Variants in GHRHR observed in about 807,000 individuals in gnomAD.
GHRHR encodes growth hormone-releasing hormone receptor.
Under a neutral mutation model 58.3 loss-of-function variants are expected in GHRHR, and 40 were observed. The ratio of observed to expected loss-of-function variants is 0.69; its 90% CI spans 0.53 to 0.89. GHRHR has a LOEUF of 0.89. GHRHR is among the 40% of genes least tolerant of loss of function. The pLI, the probability that GHRHR is intolerant of heterozygous loss-of-function variation, is 0.00. For synonymous variants in GHRHR, 249 were observed against 216.6 expected, an observed-to-expected ratio of 1.15 and a Z score of -1.31; for missense variants, 551 against 541.3, an observed-to-expected ratio of 1.02 and a Z score of -0.18.
At chr7:30,969,823 G>A in intron 3 of GHRHR, 44 bp from the exon 4 acceptor site, 1 of 1,605,610 alleles carries the variant, frequency 6.2e-7, no homozygotes, top group Non-Finnish European at 8.5e-7. Flanking sequence ...CCCTCCTGGG[G>A]AGAGGGAAGG....
At chr7:30,969,815 C>G (rs1453774191) in intron 3 of GHRHR, 52 bp from the exon 4 acceptor site, 5 of 1,599,394 alleles carry the variant, frequency 3.1e-6, no homozygotes, top group Middle Eastern at 3.3e-4. Context: ...CCCCAGCCCC[C>G]TCCTGGGGAG....
At chr7:30,969,409 C>T in intron 3 of GHRHR, 2 of 606,198 alleles carry the variant, frequency 3.3e-6, no homozygotes, top group South Asian at 1.9e-5. Flanking sequence ...AGTGCTGGAC[C>T]TGGATGCCCT....
Position 30,974,089 on chromosome 7 carries a change from C to G in GHRHR, c.702C>G (p.Thr234=). 6.2e-7 allele frequency: 1 copy of G among 1,614,184 alleles called. No homozygotes were observed. The highest frequency in any genetic ancestry group is 8.5e-7 in the Non-Finnish European group (1 of 1,180,014). Residue 234 remains threonine (T), a synonymous_variant, in exon 7 of 13, where the codon ACC becomes ACG. Transcript: ENST00000326139. ...AVYLNCLLAS[T]SPSSRRAFWW... is the part of the protein sequence containing the mutation. ...ACCTGAACTGCCTCCTGGCCTCCACCTCCCCCAGCTCAAGGAGAGCCTTCT... is the reference window on the plus strand; with the variant it reads ...ACCTGAACTGCCTCCTGGCCTCCACGTCCCCCAGCTCAAGGAGAGCCTTCT...
At chr7:30,974,294 C>A in intron 7 of GHRHR, 135 bp from the exon 8 acceptor site, 1 of 1,124,064 alleles carries the variant, frequency 8.9e-7, no homozygotes, top group Non-Finnish European at 1.4e-6. Context: ...GGGACCAGGG[C>A]CCTGGCTCTG....
intron 12 of GHRHR, 152 bp downstream of exon 12, chr7:30,977,474 G>T: frequency 1.3e-6 from 1 of 755,648 alleles, no homozygotes. Flanking sequence ...TGAGCTTCTG[G>T]ATCAAGCTGA....
intron 1 of GHRHR, among the ~76,000 whole-genome samples, chr7:30,966,246 T>C (rs1005225926): frequency 1.3e-5 from 2 of 152,202 alleles, no homozygotes; most frequent in Non-Finnish European, 2.9e-5. Context: ...TTGTCCCCAC[T>C]CTGGTGGTCA....
chr7:30,972,607 G>C (rs975141020), intron 6 of GHRHR, among the ~76,000 whole-genome samples: 1 of 152,196 alleles, frequency 6.6e-6, no homozygotes, highest in African/African-American at 2.4e-5. Context: ...GATGGGGAAG[G>C]AGAACATTTC....
intron 12 of GHRHR, 88 bp from the exon 13 acceptor site, chr7:30,979,031 C>A (rs563886347): frequency 1.6e-6 from 2 of 1,258,256 alleles, no homozygotes; most frequent in Non-Finnish European, 1.2e-6. Flanking sequence ...TTCTCTTACA[C>A]GGCCTCTCCC....
chr7:30,974,359 G>A, intron 7 of GHRHR, 70 bp from the exon 8 acceptor site: 1 of 1,220,870 alleles, frequency 8.2e-7, no homozygotes, highest in Non-Finnish European at 1.2e-6. Context: ...GGTGGTGGTG[G>A]GAGGTGGCGC....
At chr7:30,973,937 G>A (rs1327070308) in intron 6 of GHRHR, 48 bp from the exon 7 acceptor site, 7 of 1,580,844 alleles carry the variant, frequency 4.4e-6, no homozygotes, top group Non-Finnish European at 6.1e-6. Flanking sequence ...CTGGGATGGG[G>A]CTCCAGTGGG....
Position 30,979,200 on chromosome 7 carries a change from A to G in GHRHR, c.1228A>G (p.Thr410Ala), listed in dbSNP as rs979334186. The change falls in exon 13 of 13, where the codon ACG (threonine) becomes GCG (alanine). Residue 410 changes from threonine to alanine, a missense_variant. Coordinates refer to ENST00000326139, the MANE Select transcript of GHRHR (RefSeq NM_000823.4). ...CTGGAGGACCCGTGCTAAGTGGACC[A>G]CGCCTTCCCGCTCGGCGGCAAAGGT... ...PAWRTRAKWT[T>A]PSRSAAKVLT... 3 of 1,614,030 alleles carry G rather than the reference A, an allele frequency of 1.9e-6. No individual in the cohort carries two copies. The highest frequency in any genetic ancestry group is 2.5e-6 in the Non-Finnish European group (3 of 1,179,906).
At position 30,969,526 on chromosome 7, in the gene GHRHR, C is replaced by T. The variant is rs903001697; in HGVS notation, c.269-341C>T. 6 of 599,776 alleles carry T rather than the reference C, an allele frequency of 1.0e-5. No homozygotes were observed. In the African/African-American group the frequency reaches 1.1e-4, roughly 11 times the overall value. 37.2% of individuals were successfully genotyped at this position (599,776 alleles called of 1,614,324 possible). On this transcript the variant is annotated intron_variant, in intron 3 of 12. Coordinates refer to ENST00000326139, the MANE Select transcript of GHRHR (RefSeq NM_000823.4). The stretch of plus-strand genomic sequence containing the variant: ...ATGGAGAGGGTGGGGCACTCTGCTG[C>T]TCTGCTTCACTTCCCTGGCCTAGGT...
At chr7:30,969,836 T>C (rs778435801) in intron 3 of GHRHR, 31 bp from the exon 4 acceptor site, 4 of 1,611,180 alleles carry the variant, frequency 2.5e-6, no homozygotes, top group Non-Finnish European at 3.4e-6. Context: ...AGGGAAGGAG[T>C]TGTGGCTAGA....
intron 3 of GHRHR, 176 bp from the exon 4 acceptor site, chr7:30,969,691 G>A: frequency 1.4e-6 from 1 of 703,632 alleles, no homozygotes; most frequent in Admixed American, 2.1e-5. Flanking sequence ...AGGCCCCATA[G>A]TGTGTCCCTG....
At chr7:30,966,550 G>T (rs1374438014) in intron 1 of GHRHR, among the ~76,000 whole-genome samples, 3 of 152,010 alleles carry the variant, frequency 2.0e-5, no homozygotes, top group African/African-American at 7.3e-5. Flanking sequence ...TCTAAAAAAT[G>T]CTCCCTTGTC....
chr7:30,963,965 G>A lies in GHRHR; in HGVS notation c.-104G>A, dbSNP rs551837615. On this transcript the variant is annotated 5_prime_UTR_variant, in exon 1 of 13. Transcript: ENST00000326139. ...TATGCAAACAGCCACCTGAGAAGGG[G>A]AAGCAGAGGGTGCGGTGGAAACGGC... 1,485 of 1,069,768 alleles carry A rather than the reference G, an allele frequency of 1.4e-3. 4 individuals carry two copies. The Middle Eastern group carries it at 0.019, about 13-fold the overall frequency. The allele number at this position is 1,069,768 out of a possible 1,614,324, so 66.3% of individuals were successfully genotyped here.
At chr7:30,978,112 T>G (rs117992256) in intron 12 of GHRHR, among the ~76,000 whole-genome samples, 1,617 of 152,240 alleles carry the variant, frequency 0.011, 6 homozygotes, top group Non-Finnish European at 0.017. Context: ...TCTGTGAGAG[T>G]TGGCTGCAGA....
chr7:30,969,226 C>A, intron 3 of GHRHR, 56 bp downstream of exon 3: 1 of 1,190,158 alleles, frequency 8.4e-7, no homozygotes, highest in Non-Finnish European at 1.2e-6. Context: ...CTGGAAGTGG[C>A]AGAATCATCA....
At chr7:30,975,721 C>T in intron 9 of GHRHR, 56 bp from the exon 10 acceptor site, 2 of 1,011,376 alleles carry the variant, frequency 2.0e-6, no homozygotes, top group Non-Finnish European at 3.2e-6. Flanking sequence ...TCACCCCAGC[C>T]ACCCAAGGCT....
Sources: allele counts gnomAD v4.1 joint callset (sites outside exome capture counted in the v4.1 genomes callset), GRCh38; gene constraint gnomAD v4.1.1; transcripts MANE v1.5; gene names NCBI Gene and HGNC (gene_info 2026-07-23, HGNC 2026-07-21).